Variants in EIF3I observed in about 807,000 individuals in gnomAD.
EIF3I encodes eukaryotic translation initiation factor 3 subunit I, also known as TGF-beta receptor-interacting protein 1.
EIF3I carries 20 observed loss-of-function variants against 43.3 expected under a neutral mutation model. That is an observed-to-expected ratio of 0.46 (90% CI 0.32 to 0.67). The LOEUF (loss-of-function observed/expected upper bound fraction) is 0.67. Among genes scored for constraint, EIF3I ranks in the 30% least tolerant of loss-of-function variants. The probability of loss-of-function intolerance (pLI) is 0.03; values close to 1 mark genes in which losing one functional copy is unlikely to be tolerated. For synonymous variants in EIF3I, 167 were observed against 151.7 expected, an observed-to-expected ratio of 1.10 and a Z score of -0.74; for missense variants, 279 against 421.4, an observed-to-expected ratio of 0.66 and a Z score of 2.96.
chr1:32,231,381 C>G (rs1454617290), downstream of EIF3I: 1 of 515,310 alleles, frequency 1.9e-6, no homozygotes, highest in African/African-American at 1.9e-5. Context: ...GTCCCAGCTA[C>G]TCAGGAGGCT....
chr1:32,230,023 A>G (rs1303645887), intron 9 of EIF3I, among the ~76,000 whole-genome samples: 1 of 152,170 alleles, frequency 6.6e-6, no homozygotes, highest in Non-Finnish European at 1.5e-5. Context: ...ATTCAGGCAG[A>G]CATCTGGGTC....
At chr1:32,232,770 A>C (rs1008266063), downstream of EIF3I, among the ~76,000 whole-genome samples, 1 of 152,092 alleles carries the variant, frequency 6.6e-6, no homozygotes, top group Non-Finnish European at 1.5e-5. Context: ...GGGGAGAGGG[A>C]GGTAAATAGA....
chr1:32,227,990 A>T (rs908710630), intron 6 of EIF3I, among the ~76,000 whole-genome samples: 1 of 152,152 alleles, frequency 6.6e-6, no homozygotes, highest in Non-Finnish European at 1.5e-5. Flanking sequence ...TGGAAGGTGC[A>T]CTCTCCCAGG....
At chr1:32,230,348 C>T (rs1016351287) in exon 10 of EIF3I, among the ~76,000 whole-genome samples, 7 of 152,158 alleles carry the variant, frequency 4.6e-5, no homozygotes, top group Non-Finnish European at 1.0e-4. Context: ...GATCCTTCTA[C>T]CTCAGCTTCT....
At position 32,228,450 on chromosome 1, in the gene EIF3I, G is replaced by A. The variant is rs185814124; in HGVS notation, c.529-49G>A. 7.1e-5 allele frequency: 108 copies of A among 1,518,564 alleles called. No homozygotes were observed. The Admixed American group carries it at 8.9e-4, about 12-fold the overall frequency. The allele number at this position is 1,518,564 out of a possible 1,614,324, so 94.1% of individuals were successfully genotyped here. A position where few individuals can be genotyped will look rare whatever the true frequency, so the allele number is the denominator to read the frequency against. On this transcript the variant is annotated intron_variant, in intron 6 of 11. Transcript: ENST00000676679. ...GGTGCTTGGGTTTCTGGGGAGCTGA[G>A]ATTAGTAGGGATTGGGCCCATTCAG...
chr1:32,228,412 C>T lies in EIF3I; in HGVS notation c.529-87C>T, dbSNP rs1639183053. On this transcript the variant is annotated intron_variant, in intron 6 of 11. Transcript: ENST00000676679. Reference sequence around the variant, plus strand: ...GGAAAACACAAAGTCCATGCTGTCTCAGCTTTCATTTGGGTGCTTGGGTTT... The same window carrying T: ...GGAAAACACAAAGTCCATGCTGTCTTAGCTTTCATTTGGGTGCTTGGGTTT... The T allele has an allele frequency of 7.3e-6, 8 of 1,092,698 alleles. No individual in the cohort carries two copies. In the Admixed American group the frequency reaches 1.4e-4, roughly 19 times the overall value. 67.7% of individuals were successfully genotyped at this position (1,092,698 alleles called of 1,614,324 possible).
intron 3 of EIF3I, 57 bp downstream of exon 3, chr1:32,224,178 C>T: frequency 6.3e-7 from 1 of 1,577,308 alleles, no homozygotes. Context: ...GATGGAGAGG[C>T]TGAGTTGGGA....
chr1:32,228,440 G>A, intron 6 of EIF3I, 59 bp from the exon 7 acceptor site: 1 of 1,443,778 alleles, frequency 6.9e-7, no homozygotes, highest in Non-Finnish European at 9.7e-7. Flanking sequence ...TTGGGTTTCT[G>A]GGGAGCTGAG....
exon 8 of EIF3I, chr1:32,228,798 C>G (rs1230099353): frequency 1.9e-6 from 3 of 1,614,010 alleles, no homozygotes; most frequent in Admixed American, 1.7e-5. Flanking sequence ...CAGCTGCCCT[C>G]TCCCCCAACT....
chr1:32,228,954 C>G, intron 8 of EIF3I, 138 bp downstream of exon 8: 1 of 1,060,766 alleles, frequency 9.4e-7, no homozygotes, highest in Non-Finnish European at 1.4e-6. Context: ...AGTGACAAAG[C>G]TGGAAGGATT....
chr1:32,227,250 C>T (rs951886379), intron 6 of EIF3I, among the ~76,000 whole-genome samples: 6 of 139,796 alleles, frequency 4.3e-5, no homozygotes, highest in African/African-American at 1.6e-4. Flanking sequence ...GCACTCCAGC[C>T]TGGGTGACAG....
intron 4 of EIF3I, among the ~76,000 whole-genome samples, chr1:32,225,282 G>C (rs1161281968): frequency 2.0e-5 from 3 of 152,222 alleles, no homozygotes; most frequent in Admixed American, 2.0e-4. Context: ...AGCCTAAGCT[G>C]TTCTGTTTAG....
downstream of EIF3I, among the ~76,000 whole-genome samples, chr1:32,235,800 A>AT (rs1241078534): frequency 4.6e-5 from 7 of 152,188 alleles, no homozygotes; most frequent in African/African-American, 1.4e-4. Context: ...TGGGAGCAAC[A>AT]TAGCATTCCC....
exon 5 of EIF3I, chr1:32,226,244 C>G: frequency 6.2e-7 from 1 of 1,614,108 alleles, no homozygotes; most frequent in East Asian, 2.2e-5. Context: ...GCAACATCAT[C>G]ATGTTCTCCA....
At chr1:32,232,452 G>T (rs538043860), downstream of EIF3I, among the ~76,000 whole-genome samples, 1 of 152,312 alleles carries the variant, frequency 6.6e-6, no homozygotes, top group South Asian at 2.1e-4. Flanking sequence ...GGCTAATTAA[G>T]AATGTGATGT....
intron 4 of EIF3I, among the ~76,000 whole-genome samples, 183 bp downstream of exon 4, chr1:32,224,658 C>CTTTTTTTTTT (rs58586351): frequency 4.8e-4 from 65 of 136,312 alleles, no homozygotes; most frequent in East Asian, 1.1e-3. Context: ...ATTAAGTTTT[C>CTTTTTTTTTT]TTTTTTTTTT....
chr1:32,224,154 T>C, intron 3 of EIF3I, 33 bp downstream of exon 3: 1 of 1,609,082 alleles, frequency 6.2e-7, no homozygotes, highest in Non-Finnish European at 8.5e-7. Flanking sequence ...TCCGTGTTGC[T>C]AGGGTCTGTC....
intron 6 of EIF3I, among the ~76,000 whole-genome samples, chr1:32,227,341 T>C (rs1425530635): frequency 6.7e-6 from 1 of 149,746 alleles, no homozygotes; most frequent in Non-Finnish European, 1.5e-5. Flanking sequence ...GAGATTCAAA[T>C]GTAGATTTCA....
chr1:32,224,444 C>T (rs1426076471), exon 4 of EIF3I: 1 of 1,613,750 alleles, frequency 6.2e-7, no homozygotes, highest in Non-Finnish European at 8.5e-7. Context: ...GCTCAGCTGA[C>T]AACAGCTGTC....
Sources: allele counts gnomAD v4.1 joint callset (sites outside exome capture counted in the v4.1 genomes callset), GRCh38; gene constraint gnomAD v4.1.1; transcripts MANE v1.5; gene names NCBI Gene and HGNC (gene_info 2026-07-23, HGNC 2026-07-21).